ADTRP: variants seen among roughly 807,000 people sequenced by gnomAD.
ADTRP encodes the protein androgen-dependent TFPI-regulating protein.
Under a neutral mutation model 27.0 loss-of-function variants are expected in ADTRP, and 20 were observed. The ratio of observed to expected loss-of-function variants is 0.74; its 90% CI spans 0.52 to 1.08. The LOEUF is 1.08. Ranked by LOEUF, ADTRP falls within the 50% of genes least tolerant of loss-of-function variation. The probability of loss-of-function intolerance (pLI) is 0.00; values close to 1 mark genes in which losing one functional copy is unlikely to be tolerated. For synonymous variants in ADTRP, 101 were observed against 105.2 expected (o/e 0.96, Z 0.25); for missense variants, 251 against 275.0 (o/e 0.91, Z 0.62).
intron 2 of ADTRP, 79 bp from the exon 3 acceptor site, chr6:11,766,454 G>T: frequency 9.3e-7 from 1 of 1,070,502 alleles, no homozygotes; most frequent in Non-Finnish European, 1.4e-6. Context: ...AGGAAACACA[G>T]CTAAATAAAA....
Position 11,732,082 on chromosome 6 carries a change from A to G in ADTRP, c.506+3486T>C, listed in dbSNP as rs140078610. ...AGGTGACTAATGCTTTCCAAAGGAAATGAAAGCTTTGCAGTCATTACTATT... is the reference window on the plus strand; with the variant it reads ...AGGTGACTAATGCTTTCCAAAGGAAGTGAAAGCTTTGCAGTCATTACTATT... On this transcript the variant is annotated intron_variant, in intron 4 of 5. Coordinates refer to ENST00000414691, the MANE Select transcript of ADTRP (RefSeq NM_032744.4). Among the ~76,000 whole-genome samples the G allele has an allele frequency of 6.2e-3, 945 of 152,336 alleles. 4 individuals carry two copies. Among genetic ancestry groups the G allele is most frequent in the Middle Eastern group, 0.024 (7 of 294 alleles).
chr6:11,722,935 C>A (rs1156761659), intron 5 of ADTRP, among the ~76,000 whole-genome samples: 1 of 152,138 alleles, frequency 6.6e-6, no homozygotes, highest in Non-Finnish European at 1.5e-5. Flanking sequence ...GCTATCTGGA[C>A]TCACTTCCCT....
chr6:11,726,073 T>C (rs1353835460), intron 4 of ADTRP, among the ~76,000 whole-genome samples: 1 of 152,172 alleles, frequency 6.6e-6, no homozygotes, highest in Non-Finnish European at 1.5e-5. Flanking sequence ...AGGAAGAACA[T>C]TCTGACACAT....
chr6:11,721,939 C>A (rs1366852777), intron 5 of ADTRP, among the ~76,000 whole-genome samples: 3 of 152,020 alleles, frequency 2.0e-5, no homozygotes, highest in African/African-American at 7.3e-5. Flanking sequence ...GAACTCAATA[C>A]AATTGATTTT....
rs1399764638 is a variant in ADTRP, at chr6:11,730,480, G to GAGA, written c.506+5085_506+5087dup. On this transcript the variant is annotated intron_variant, in intron 4 of 5. Transcript: ENST00000414691. ...TAGAAAAATGAATAAAAACCAGAAA[G>GAGA]AGAAGAAGAGAATTGCTGATTCTGG... 2.6e-5 allele frequency among the ~76,000 whole-genome samples: 4 copies of GAGA among 152,194 alleles called. No homozygotes were observed. In the East Asian group the frequency reaches 7.7e-4, roughly 29 times the overall value.
chr6:11,729,204 T>C (rs1429013864), intron 4 of ADTRP, among the ~76,000 whole-genome samples: 1 of 152,166 alleles, frequency 6.6e-6, no homozygotes, highest in Non-Finnish European at 1.5e-5. Context: ...GTGTTAACCC[T>C]CAGGTCACGT....
intron 5 of ADTRP, among the ~76,000 whole-genome samples, chr6:11,718,379 A>G (rs1035568978): frequency 6.6e-6 from 1 of 152,204 alleles, no homozygotes; most frequent in African/African-American, 2.4e-5. Context: ...CTCTTGTGGG[A>G]TGATTTTCTC....
chr6:11,721,656 TAC>T (rs1762027978), intron 5 of ADTRP, among the ~76,000 whole-genome samples: 1 of 152,194 alleles, frequency 6.6e-6, no homozygotes, highest in African/African-American at 2.4e-5. Context: ...GAGAGGTAAG[TAC>T]AGTCATTTAC....
rs1296057595 is a variant in ADTRP at position 11,714,239 on chromosome 6, G to C, written c.*239C>G. On this transcript the variant is annotated 3_prime_UTR_variant, in exon 6 of 6. Transcript: ENST00000414691. ...GAGACCATCCTCCACGAAGGTCAAA[G>C]ATAATTAATTCTGAGATAGCAGGAG... is the stretch of plus-strand genomic sequence containing the variant. The C allele has an allele frequency of 2.0e-6, 1 of 510,354 alleles. No individual in the cohort carries two copies. Among genetic ancestry groups the C allele is most frequent in the Non-Finnish European group, 3.5e-6 (1 of 288,310 alleles). 31.6% of individuals were successfully genotyped at this position (510,354 alleles called of 1,614,324 possible).
intron 3 of ADTRP, among the ~76,000 whole-genome samples, chr6:11,751,366 T>C (rs1032990592): frequency 1.3e-5 from 2 of 152,190 alleles, no homozygotes; most frequent in Admixed American, 6.5e-5. Flanking sequence ...CAAATTCCCA[T>C]TAATATTTTT....
chr6:11,732,683 C>T (rs191778764), intron 4 of ADTRP, among the ~76,000 whole-genome samples: 4 of 152,300 alleles, frequency 2.6e-5, no homozygotes, highest in East Asian at 1.9e-4. Context: ...TCATGAAGGA[C>T]GAAATCCCAA....
Position 11,764,092 on chromosome 6 carries a change from G to T in ADTRP, c.390+2182C>A, listed in dbSNP as rs529722070. 2.6e-5 allele frequency among the ~76,000 whole-genome samples: 4 copies of T among 152,286 alleles called. No individual in the cohort carries two copies. In the South Asian group the frequency reaches 8.3e-4, roughly 32 times the overall value. ...TCTGAGGGATTCAGGTTACTTGAAT[G>T]ACCAAAGGGCAAGGGGCAAGGTCCA... On this transcript the variant is annotated intron_variant, in intron 3 of 5. Transcript: ENST00000414691.
chr6:11,725,741 T>C (rs1762168957), intron 4 of ADTRP, among the ~76,000 whole-genome samples: 1 of 151,656 alleles, frequency 6.6e-6, no homozygotes, highest in Admixed American at 6.6e-5. Context: ...CTACTAAATA[T>C]ACAAAAAATT....
At chr6:11,757,790 G>C (rs1218781942) in intron 3 of ADTRP, among the ~76,000 whole-genome samples, 1 of 152,224 alleles carries the variant, frequency 6.6e-6, no homozygotes, top group Non-Finnish European at 1.5e-5. Flanking sequence ...GCTGAAGAAG[G>C]CATGGAGTAG....
chr6:11,772,994 G>A (rs1166001787), intron 1 of ADTRP, among the ~76,000 whole-genome samples: 2 of 152,178 alleles, frequency 1.3e-5, no homozygotes, highest in African/African-American at 2.4e-5. Flanking sequence ...TGAGGACAAC[G>A]GGCTTCAGTA....
At chr6:11,720,478 TTC>T (rs1284460081) in intron 5 of ADTRP, among the ~76,000 whole-genome samples, 1 of 149,808 alleles carries the variant, frequency 6.7e-6, no homozygotes, top group Admixed American at 6.7e-5. Flanking sequence ...ATATACCCTT[TTC>T]TTTTTTTTTG....
At chr6:11,762,810 G>A (rs945832444) in intron 3 of ADTRP, among the ~76,000 whole-genome samples, 2 of 152,150 alleles carry the variant, frequency 1.3e-5, no homozygotes, top group Admixed American at 1.3e-4. Flanking sequence ...CCTTTGGGGC[G>A]ACCTGAACAA....
At chr6:11,715,404 C>G (rs1394934802) in intron 5 of ADTRP, among the ~76,000 whole-genome samples, 3 of 152,136 alleles carry the variant, frequency 2.0e-5, no homozygotes, top group African/African-American at 4.8e-5. Flanking sequence ...ACTTGAAGTC[C>G]TGTTTGTGGC....
chr6:11,727,188 A>C (rs1488349562), intron 4 of ADTRP, among the ~76,000 whole-genome samples: 1 of 151,942 alleles, frequency 6.6e-6, no homozygotes, highest in Non-Finnish European at 1.5e-5. Context: ...TGCCCAGCTA[A>C]TTTTTGTATT....
Sources: allele counts gnomAD v4.1 joint callset (sites outside exome capture counted in the v4.1 genomes callset), GRCh38; gene constraint gnomAD v4.1.1; transcripts MANE v1.5; gene names NCBI Gene and HGNC (gene_info 2026-07-23, HGNC 2026-07-21).